PAPPA2: variants seen among roughly 807,000 people sequenced by gnomAD.
PAPPA2 encodes the protein pappalysin 2, also known as pappalysin-2.
In PAPPA2, 86 loss-of-function variants were observed where a neutral mutation model predicts 176.4. The observed-to-expected ratio is 0.49, with a 90% CI of 0.41 to 0.58. PAPPA2 has a LOEUF of 0.58. Among genes scored for constraint, PAPPA2 ranks in the 20% least tolerant of loss-of-function variants. The probability of loss-of-function intolerance (pLI) is 0.00; values close to 1 mark genes in which losing one functional copy is unlikely to be tolerated. For synonymous variants in PAPPA2, 809 were observed against 852.2 expected, an observed-to-expected ratio of 0.95 and a Z score of 0.88; for missense variants, 2,073 against 2,256.9, an observed-to-expected ratio of 0.92 and a Z score of 1.65.
At chr1:176,661,572 T>C (rs1030231259) in intron 3 of PAPPA2, among the ~76,000 whole-genome samples, 1 of 150,112 alleles carries the variant, frequency 6.7e-6, no homozygotes, top group Non-Finnish European at 1.5e-5. Flanking sequence ...GTTTGCCCCG[T>C]AGCTTGTTTC....
chr1:176,514,417 C>T (rs1413167277), intron 1 of PAPPA2, among the ~76,000 whole-genome samples: 2 of 152,178 alleles, frequency 1.3e-5, no homozygotes, highest in Non-Finnish European at 2.9e-5. Flanking sequence ...CCAGGCTCCA[C>T]CTCCAACACT....
rs12027441 is a variant in PAPPA2 at position 176,810,180 on chromosome 1, T to C, written c.5202+10048T>C. ...GTGAAAATGGGCTCAGGCCCACCTTTAGGAAAACAGGAAAGGGATTTTCTC... is the reference window on the plus strand; with the variant it reads ...GTGAAAATGGGCTCAGGCCCACCTTCAGGAAAACAGGAAAGGGATTTTCTC... On this transcript the variant is annotated intron_variant, in intron 21 of 22. Coordinates refer to ENST00000367662, the MANE Select transcript of PAPPA2 (RefSeq NM_020318.3). 2.0e-5 allele frequency among the ~76,000 whole-genome samples: 3 copies of C among 152,200 alleles called. No homozygotes were observed. In the East Asian group the frequency reaches 5.8e-4, roughly 29 times the overall value.
At chr1:176,488,227 G>T (rs1325749934) in intron 1 of PAPPA2, among the ~76,000 whole-genome samples, 1 of 151,864 alleles carries the variant, frequency 6.6e-6, no homozygotes, top group Non-Finnish European at 1.5e-5. Flanking sequence ...AGAGCTGGTT[G>T]GGTCATAAGT....
At chr1:176,618,089 AGTT>A (rs1247318340) in intron 3 of PAPPA2, among the ~76,000 whole-genome samples, 1 of 152,222 alleles carries the variant, frequency 6.6e-6, no homozygotes, top group Non-Finnish European at 1.5e-5. Flanking sequence ...TGAGAAATGT[AGTT>A]AAGTTGCATC....
At chr1:176,762,857 T>C (rs1441098888) in intron 14 of PAPPA2, among the ~76,000 whole-genome samples, 2 of 152,222 alleles carry the variant, frequency 1.3e-5, no homozygotes, top group African/African-American at 2.4e-5. Context: ...TCATAATGGA[T>C]ACTTCATCAT....
At chr1:176,586,992 G>A (rs1461556008) in intron 2 of PAPPA2, among the ~76,000 whole-genome samples, 1 of 152,134 alleles carries the variant, frequency 6.6e-6, no homozygotes, top group Non-Finnish European at 1.5e-5. Context: ...ATTCTAACTG[G>A]CAGGAGATGG....
intron 1 of PAPPA2, among the ~76,000 whole-genome samples, chr1:176,472,081 C>T (rs905908688): frequency 7.9e-5 from 12 of 152,118 alleles, no homozygotes; most frequent in African/African-American, 2.9e-4. Context: ...AATATTATTG[C>T]ATATTATTTC....
At chr1:176,700,159 C>A (rs1459298790) in intron 8 of PAPPA2, among the ~76,000 whole-genome samples, 1 of 152,146 alleles carries the variant, frequency 6.6e-6, no homozygotes, top group African/African-American at 2.4e-5. Flanking sequence ...TTAGTTCTGT[C>A]TTTTCTTCCT....
chr1:176,805,047 T>C (rs1191188991), intron 21 of PAPPA2, among the ~76,000 whole-genome samples: 2 of 143,736 alleles, frequency 1.4e-5, no homozygotes, highest in East Asian at 2.2e-4. Flanking sequence ...AGATAATAGA[T>C]TACCTTCTTC....
intron 2 of PAPPA2, among the ~76,000 whole-genome samples, chr1:176,587,148 CT>C (rs1653365219): frequency 6.7e-6 from 1 of 148,556 alleles, no homozygotes; most frequent in Non-Finnish European, 1.5e-5. Flanking sequence ...TTTTTTTTTT[CT>C]TGTAAATATG....
chr1:176,540,394 G>T (rs1230922843), intron 1 of PAPPA2, among the ~76,000 whole-genome samples: 1 of 152,196 alleles, frequency 6.6e-6, no homozygotes, highest in Admixed American at 6.5e-5. Context: ...CTTGATTACT[G>T]CGTGAAGAGT....
chr1:176,670,399 C>T (rs1367409701), intron 3 of PAPPA2, among the ~76,000 whole-genome samples: 2 of 152,118 alleles, frequency 1.3e-5, no homozygotes, highest in Non-Finnish European at 2.9e-5. Context: ...GATGTCTATA[C>T]AATTGTTATG....
chr1:176,612,319 G>T (rs1654974679), intron 3 of PAPPA2, among the ~76,000 whole-genome samples: 1 of 152,024 alleles, frequency 6.6e-6, no homozygotes, highest in South Asian at 2.1e-4. Context: ...GCCTGAATCT[G>T]GGAGGCAGAG....
At chr1:176,571,687 T>C (rs1255033375) in intron 2 of PAPPA2, among the ~76,000 whole-genome samples, 1 of 152,222 alleles carries the variant, frequency 6.6e-6, no homozygotes, top group African/African-American at 2.4e-5. Context: ...TATATCAATG[T>C]GATATAACTT....
rs1014718713 is a variant in PAPPA2 at position 176,525,312 on chromosome 1, G to T, written c.-916-30095G>T. ...ATATCTTCATTTCAAGCATTTATCTGTGAAGTTTAAAGTGCCTATACTCAC... is the reference window on the plus strand; with the variant it reads ...ATATCTTCATTTCAAGCATTTATCTTTGAAGTTTAAAGTGCCTATACTCAC... On this transcript the variant is annotated intron_variant, in intron 1 of 22. Transcript: ENST00000367662. Among the ~76,000 whole-genome samples the T allele has an allele frequency of 2.0e-5, 3 of 152,150 alleles. No homozygotes were observed. In the East Asian group the frequency reaches 5.8e-4, roughly 29 times the overall value.
intron 8 of PAPPA2, among the ~76,000 whole-genome samples, chr1:176,700,060 T>G (rs114844500): frequency 1.8e-3 from 269 of 152,040 alleles, no homozygotes; most frequent in Non-Finnish European, 2.5e-3. Flanking sequence ...ATGATATGAG[T>G]TTCATTCTTT....
chr1:176,839,002 G>A (rs550880784), intron 21 of PAPPA2, among the ~76,000 whole-genome samples: 1 of 152,270 alleles, frequency 6.6e-6, no homozygotes, highest in East Asian at 1.9e-4. Context: ...TGAGTTGAGT[G>A]ATCTATCTCA....
chr1:176,695,945 A>G (rs764525134), intron 7 of PAPPA2, 86 bp downstream of exon 7: 1 of 1,520,518 alleles, frequency 6.6e-7, no homozygotes, highest in Non-Finnish European at 8.9e-7. Flanking sequence ...TGACATGGTG[A>G]CAAAAAGGCA....
chr1:176,686,219 G>A (rs1659831550), intron 4 of PAPPA2, among the ~76,000 whole-genome samples: 1 of 152,106 alleles, frequency 6.6e-6, no homozygotes, highest in African/African-American at 2.4e-5. Context: ...TTAAGGGAGG[G>A]TGTTTAATTG....
Sources: allele counts gnomAD v4.1 joint callset (sites outside exome capture counted in the v4.1 genomes callset), GRCh38; gene constraint gnomAD v4.1.1; transcripts MANE v1.5; gene names NCBI Gene and HGNC (gene_info 2026-07-23, HGNC 2026-07-21).